Variants in GOLPH3 observed in about 807,000 individuals in gnomAD.
GOLPH3 encodes golgi phosphoprotein 3, also known as coat protein GPP34.
A neutral mutation model predicts 28.5 loss-of-function variants in GOLPH3; 14 were observed. The ratio of observed to expected loss-of-function variants is 0.49; its 90% CI spans 0.32 to 0.77. The LOEUF (loss-of-function observed/expected upper bound fraction) is 0.77. Among genes scored for constraint, GOLPH3 ranks in the 30% least tolerant of loss-of-function variants. The probability of loss-of-function intolerance (pLI) is 0.03; values close to 1 mark genes in which losing one functional copy is unlikely to be tolerated. For missense variants in GOLPH3, 350 were observed against 393.7 expected (o/e 0.89, Z 0.94); for synonymous variants, 158 against 159.2 (o/e 0.99, Z 0.06).
At chr5:32,128,890 C>T (rs1246945656) in intron 3 of GOLPH3, among the ~76,000 whole-genome samples, 1 of 151,836 alleles carries the variant, frequency 6.6e-6, no homozygotes, top group African/African-American at 2.4e-5. Flanking sequence ...AGAAACAGTC[C>T]CAGCCTGGGC....
intron 3 of GOLPH3, among the ~76,000 whole-genome samples, chr5:32,128,169 G>C (rs1405355539): frequency 1.3e-5 from 2 of 152,176 alleles, no homozygotes; most frequent in East Asian, 1.9e-4. Flanking sequence ...CACAAAGCTA[G>C]GCAAAGAACA....
rs1363942706 is a variant in GOLPH3 at position 32,174,121 on chromosome 5, G to A, written c.-87C>T. 3.1e-6 allele frequency: 3 copies of A among 956,430 alleles called. No homozygotes were observed. The highest frequency in any genetic ancestry group is 1.7e-5 in the African/African-American group (1 of 58,696). 59.2% of individuals were successfully genotyped at this position (956,430 alleles called of 1,614,324 possible). ...TCCTCCCCGCGCGGCCTCCGATCCG[G>A]GTTTCCGTGTTAAATCCGGACGCCG... On this transcript the variant is annotated 5_prime_UTR_variant, in exon 1 of 4. Coordinates refer to ENST00000265070, the MANE Select transcript of GOLPH3 (RefSeq NM_022130.4).
chr5:32,127,973 G>A (rs1745719977), intron 3 of GOLPH3, among the ~76,000 whole-genome samples: 1 of 151,916 alleles, frequency 6.6e-6, no homozygotes, highest in Admixed American at 6.6e-5. Context: ...CCCAAGCAGA[G>A]CACAGCAGTC....
rs1745848088 is a variant in GOLPH3 at position 32,132,716 on chromosome 5, A to AG, written c.472+2855dup. ...TTAAAAATCTAAAAATCAGCAAGCT[A>AG]GCCAAAGAACTGTATGCTTAAAAAT... On this transcript the variant is annotated intron_variant, in intron 3 of 3. Transcript: ENST00000265070. Among the ~76,000 whole-genome samples the AG allele has an allele frequency of 2.0e-5, 3 of 152,348 alleles. 1 individual carries two copies. The South Asian group carries it at 6.2e-4, about 32-fold the overall frequency.
intron 3 of GOLPH3, among the ~76,000 whole-genome samples, chr5:32,127,236 TG>T (rs1330942618): frequency 2.0e-5 from 3 of 152,220 alleles, no homozygotes; most frequent in Admixed American, 6.5e-5. Context: ...TTCACTAAAG[TG>T]GGTTCTTCTT....
At chr5:32,173,696 CGA>C (rs745449101) in intron 1 of GOLPH3, 112 bp downstream of exon 1, 77 of 692,606 alleles carry the variant, frequency 1.1e-4, no homozygotes, top group Non-Finnish European at 1.5e-4. Context: ...GACTTCGGAG[CGA>C]GGGCAGGTGC....
At chr5:32,141,413 T>A (rs1746056422) in intron 2 of GOLPH3, among the ~76,000 whole-genome samples, 1 of 152,170 alleles carries the variant, frequency 6.6e-6, no homozygotes, top group Non-Finnish European at 1.5e-5. Context: ...CAATATTACC[T>A]CTATTAAGAG....
chr5:32,125,161 G>C lies in GOLPH3; in HGVS notation c.*1051C>G, dbSNP rs1745648793. On this transcript the variant is annotated 3_prime_UTR_variant, in exon 4 of 4. Coordinates refer to ENST00000265070, the MANE Select transcript of GOLPH3 (RefSeq NM_022130.4). Reference sequence around the variant, plus strand: ...GCAACATCTGCTAGGACTGACATTTGATTTTTTTCCCCAAGAATGTGTGAG... The same window carrying C: ...GCAACATCTGCTAGGACTGACATTTCATTTTTTTCCCCAAGAATGTGTGAG... 1 of 152,516 alleles carries C rather than the reference G, an allele frequency of 6.6e-6. No individual in the cohort carries two copies. The highest frequency in any genetic ancestry group is 6.6e-5 in the Admixed American group (1 of 15,264). The allele number at this position is 152,516 out of a possible 1,614,324, so 9.4% of individuals were successfully genotyped here. A position where few individuals can be genotyped will look rare whatever the true frequency, so the allele number is the denominator to read the frequency against.
At chr5:32,144,187 C>A (rs1432301906) in intron 1 of GOLPH3, among the ~76,000 whole-genome samples, 2 of 152,160 alleles carry the variant, frequency 1.3e-5, no homozygotes, top group Non-Finnish European at 2.9e-5. Context: ...CTGCAAACTC[C>A]AAGGAATACT....
chr5:32,169,171 C>G (rs150117132), intron 1 of GOLPH3, among the ~76,000 whole-genome samples: 2 of 151,852 alleles, frequency 1.3e-5, no homozygotes, highest in Admixed American at 1.3e-4. Flanking sequence ...GGTCCTAGCT[C>G]CTCGGGAAGC....
chr5:32,140,920 G>A (rs530345878), intron 2 of GOLPH3, among the ~76,000 whole-genome samples: 1 of 152,152 alleles, frequency 6.6e-6, no homozygotes, highest in East Asian at 1.9e-4. Flanking sequence ...CTTGCACTTT[G>A]GGAGGCCCAA....
intron 2 of GOLPH3, among the ~76,000 whole-genome samples, chr5:32,139,508 T>G (rs1746010476): frequency 6.6e-6 from 1 of 152,230 alleles, no homozygotes; most frequent in Admixed American, 6.5e-5. Flanking sequence ...TTTAGCCTTT[T>G]CAATCCATTC....
intron 1 of GOLPH3, among the ~76,000 whole-genome samples, chr5:32,165,323 C>G (rs1746686137): frequency 6.6e-6 from 1 of 152,128 alleles, no homozygotes; most frequent in South Asian, 2.1e-4. Flanking sequence ...TGGCTCATGT[C>G]TGTAATCCCA....
intron 2 of GOLPH3, among the ~76,000 whole-genome samples, chr5:32,142,605 G>A (rs1330253518): frequency 7.2e-6 from 1 of 138,668 alleles, no homozygotes; most frequent in South Asian, 2.3e-4. Flanking sequence ...GAGGTGGGGG[G>A]GTCAGCCCCC....
At chr5:32,155,195 G>GT (rs745741811) in intron 1 of GOLPH3, among the ~76,000 whole-genome samples, 1 of 150,516 alleles carries the variant, frequency 6.6e-6, no homozygotes, top group Admixed American at 6.6e-5. Context: ...CTTTTACTTT[G>GT]TTTTTTTAAA....
At chr5:32,159,533 A>G (rs1393465436) in intron 1 of GOLPH3, among the ~76,000 whole-genome samples, 2 of 152,172 alleles carry the variant, frequency 1.3e-5, no homozygotes, top group African/African-American at 4.8e-5. Context: ...CACAGCAGAG[A>G]GCACAAAACA....
intron 1 of GOLPH3, among the ~76,000 whole-genome samples, chr5:32,147,170 T>A (rs973672669): frequency 6.6e-6 from 1 of 151,988 alleles, no homozygotes; most frequent in Non-Finnish European, 1.5e-5. Context: ...CACAAAAATA[T>A]ATGTACAAAT....
chr5:32,137,843 T>G (rs960487570), intron 2 of GOLPH3, among the ~76,000 whole-genome samples: 2 of 152,142 alleles, frequency 1.3e-5, no homozygotes, highest in Non-Finnish European at 2.9e-5. Context: ...TTAAATCCAT[T>G]GTATTGTATT....
Position 32,141,582 on chromosome 5 carries a change from C to A in GOLPH3, c.357+2167G>T, listed in dbSNP as rs1462478381. Among the ~76,000 whole-genome samples the A allele has an allele frequency of 2.0e-4, 6 of 29,948 alleles. No homozygotes were observed. In the East Asian group the frequency reaches 6.4e-3, roughly 32 times the overall value. The allele number at this position is 29,948 out of a possible 152,430, so 19.6% of individuals were successfully genotyped here. ...CTTTTAAAAGCTGCAAATGACTCTC[C>A]CTCTCCCTCTCCCTCTCCCCACGGT... On this transcript the variant is annotated intron_variant, in intron 2 of 3. Coordinates refer to ENST00000265070, the MANE Select transcript of GOLPH3 (RefSeq NM_022130.4).
Sources: gnomAD v4.1 joint callset for allele counts (sites outside exome capture counted in the v4.1 genomes callset) on GRCh38, gnomAD v4.1.1 for gene constraint, MANE v1.5 for transcripts, NCBI Gene and HGNC (gene_info 2026-07-23, HGNC 2026-07-21) for gene names.